The following MYO16 variants were observed in gnomAD, a reference collection of about 807,000 sequenced individuals.
The protein encoded by MYO16 is myosin XVI, also known as unconventional myosin-XVI.
A neutral mutation model predicts 205.3 loss-of-function variants in MYO16; 94 were observed. That is an observed-to-expected ratio of 0.46 (90% CI 0.39 to 0.54). The LOEUF (loss-of-function observed/expected upper bound fraction) is 0.54. MYO16 is among the 20% of genes least tolerant of loss of function. The pLI is 0.00. For missense variants in MYO16, 2,315 were observed against 2,387.5 expected (o/e 0.97, Z 0.63); for synonymous variants, 988 against 954.0 (o/e 1.04, Z -0.66).
chr13:108,724,479 A>C (rs1228823567), intron 3 of MYO16, among the ~76,000 whole-genome samples: 1 of 152,202 alleles, frequency 6.6e-6, no homozygotes, highest in Admixed American at 6.5e-5. Context: ...TGTGTCATTT[A>C]GAATATTTGC....
At chr13:108,636,765 G>C (rs1362229266) in intron 1 of MYO16, among the ~76,000 whole-genome samples, 1 of 152,114 alleles carries the variant, frequency 6.6e-6, no homozygotes, top group Non-Finnish European at 1.5e-5. Context: ...AAGATCTAGA[G>C]CTTTATAGTA....
the MYO16 span, among the ~76,000 whole-genome samples, chr13:108,552,204 T>A: frequency 6.6e-6 from 1 of 152,208 alleles, no homozygotes; most frequent in Admixed American, 6.5e-5. Flanking sequence ...CTTAGCCTCC[T>A]GGACAGCCAT....
At chr13:108,860,434 A>G (rs1878397897) in intron 11 of MYO16, among the ~76,000 whole-genome samples, 1 of 152,086 alleles carries the variant, frequency 6.6e-6, no homozygotes, top group South Asian at 2.1e-4. Context: ...AATTGATTCT[A>G]TGTCTTTGCT....
At chr13:109,004,748 CTG>C (rs1357866046) in intron 21 of MYO16, among the ~76,000 whole-genome samples, 1 of 152,168 alleles carries the variant, frequency 6.6e-6, no homozygotes, top group Admixed American at 6.6e-5. Flanking sequence ...ATGTGCTAGA[CTG>C]TATCAGTTAC....
intron 4 of MYO16, among the ~76,000 whole-genome samples, chr13:108,773,680 T>G (rs1031385745): frequency 2.0e-5 from 3 of 152,238 alleles, no homozygotes; most frequent in Admixed American, 1.3e-4. Context: ...TAAAGCCACA[T>G]TCACAGGTAC....
chr13:109,130,638 C>T (rs1876488366), intron 31 of MYO16, among the ~76,000 whole-genome samples: 2 of 152,164 alleles, frequency 1.3e-5, no homozygotes. Flanking sequence ...AATCCATGAT[C>T]GCAAAGGTAG....
At chr13:108,599,454 A>G (rs1878683211) in intron 1 of MYO16, among the ~76,000 whole-genome samples, 1 of 152,072 alleles carries the variant, frequency 6.6e-6, no homozygotes, top group African/African-American at 2.4e-5. Context: ...TTACCGTCCC[A>G]CTTGTGGTAT....
chr13:108,757,579 G>T (rs1295081373), intron 4 of MYO16, among the ~76,000 whole-genome samples: 2 of 151,996 alleles, frequency 1.3e-5, no homozygotes, highest in Non-Finnish European at 2.9e-5. Flanking sequence ...GCTGCACCCA[G>T]TAACTCGTCA....
chr13:108,928,090 C>T (rs1408653074), intron 16 of MYO16, among the ~76,000 whole-genome samples: 3 of 152,198 alleles, frequency 2.0e-5, no homozygotes, highest in Non-Finnish European at 2.9e-5. Flanking sequence ...CAACAGATGC[C>T]GATGCGCTTG....
intron 15 of MYO16, among the ~76,000 whole-genome samples, chr13:108,899,691 A>G (rs769771142): frequency 8.5e-5 from 13 of 152,226 alleles, no homozygotes; most frequent in Non-Finnish European, 1.6e-4. Context: ...TGTAATACTG[A>G]GCACAGTTTT....
At chr13:108,970,809 G>A (rs886090996) in intron 20 of MYO16, among the ~76,000 whole-genome samples, 3 of 152,148 alleles carry the variant, frequency 2.0e-5, no homozygotes, top group Admixed American at 6.5e-5. Context: ...TCAGACTCAG[G>A]TTCACCTGGC....
intron 16 of MYO16, among the ~76,000 whole-genome samples, chr13:108,953,549 A>G (rs748446504): frequency 2.1e-4 from 31 of 151,196 alleles, no homozygotes; most frequent in Non-Finnish European, 3.5e-4. Context: ...GATAATAAAG[A>G]TTTAAATGTT....
At chr13:108,631,125 G>A (rs1202002016) in intron 1 of MYO16, among the ~76,000 whole-genome samples, 8 of 152,174 alleles carry the variant, frequency 5.3e-5, no homozygotes, top group Admixed American at 5.2e-4. Context: ...TAGACACAGG[G>A]CAATACTCTG....
rs920864994 is a variant in MYO16, at chr13:108,675,923, A to T, written c.292+9774A>T. Among the ~76,000 whole-genome samples the T allele has an allele frequency of 2.0e-5, 3 of 152,186 alleles. No individual in the cohort carries two copies. The East Asian group carries it at 5.8e-4, about 29-fold the overall frequency. On this transcript the variant is annotated intron_variant, in intron 2 of 34. Coordinates refer to ENST00000457511, the MANE Select transcript of MYO16 (RefSeq NM_001198950.3). ...CACTTTCTGCACCTCATATTTCTGCAGATAAGGTTACGAGGTAAGTGCTCG... is the reference window on the plus strand; with the variant it reads ...CACTTTCTGCACCTCATATTTCTGCTGATAAGGTTACGAGGTAAGTGCTCG...
chr13:108,769,344 G>A (rs1030956785), intron 4 of MYO16, among the ~76,000 whole-genome samples: 9 of 152,140 alleles, frequency 5.9e-5, no homozygotes, highest in African/African-American at 2.2e-4. Flanking sequence ...GTGAGGGACA[G>A]GAGAAGATCT....
chr13:109,198,649 G>A (rs1477533260), intron 34 of MYO16, among the ~76,000 whole-genome samples: 2 of 152,166 alleles, frequency 1.3e-5, no homozygotes, highest in African/African-American at 4.8e-5. Flanking sequence ...ATTCAGCAGT[G>A]TTTAAGGATT....
chr13:108,636,555 T>A (rs1429541731), intron 1 of MYO16, among the ~76,000 whole-genome samples: 1 of 152,012 alleles, frequency 6.6e-6, no homozygotes, highest in Admixed American at 6.6e-5. Flanking sequence ...AATTTTTGTA[T>A]TTTTAGTAGA....
At chr13:108,758,458 C>T (rs1885493319) in intron 4 of MYO16, among the ~76,000 whole-genome samples, 2 of 152,122 alleles carry the variant, frequency 1.3e-5, no homozygotes, top group Non-Finnish European at 2.9e-5. Context: ...ACTATCAGGA[C>T]TGTTCAGTTC....
At chr13:108,897,805 T>G (rs753628009) in intron 14 of MYO16, among the ~76,000 whole-genome samples, 3 of 152,142 alleles carry the variant, frequency 2.0e-5, no homozygotes, top group Non-Finnish European at 4.4e-5. Context: ...TGTCTATTAT[T>G]GCTTCATGAA....
Sources: allele counts gnomAD v4.1 joint callset (sites outside exome capture counted in the v4.1 genomes callset), GRCh38; gene constraint gnomAD v4.1.1; transcripts MANE v1.5; gene names NCBI Gene and HGNC (gene_info 2026-07-23, HGNC 2026-07-21).